The following KDM7A variants were observed in gnomAD, a reference collection of about 807,000 sequenced individuals.
The protein encoded by KDM7A is lysine demethylase 7A.
KDM7A carries 28 observed loss-of-function variants against 114.8 expected under a neutral mutation model. That is an observed-to-expected ratio of 0.24 (90% CI 0.18 to 0.33). The LOEUF (loss-of-function observed/expected upper bound fraction) is 0.33. Ranked by LOEUF, KDM7A falls within the 10% of genes least tolerant of loss-of-function variation. The probability of loss-of-function intolerance (pLI) is 1.00; values close to 1 mark genes in which losing one functional copy is unlikely to be tolerated. For synonymous variants in KDM7A, 423 were observed against 397.8 expected (o/e 1.06, Z -0.75); for missense variants, 942 against 1,142.5 (o/e 0.82, Z 2.53).
intron 11 of KDM7A, among the ~76,000 whole-genome samples, chr7:140,103,639 A>T (rs1371587487): frequency 2.0e-5 from 3 of 152,062 alleles, no homozygotes; most frequent in African/African-American, 4.8e-5. Context: ...AAGGACATGA[A>T]CTCATCCTTT....
Position 140,086,199 on chromosome 7 carries a change from G to A in KDM7A, c.*4895C>T, listed in dbSNP as rs1817921090. ...GAGATCAAGGGCTACGTGGTAGCCA[G>A]GGTTTATTAGTGAAATAGTGCAGAG... On this transcript the variant is annotated 3_prime_UTR_variant, in exon 20 of 20. Transcript: ENST00000397560. The A allele has an allele frequency of 6.6e-6, 1 of 152,212 alleles. No individual in the cohort carries two copies. The highest frequency in any genetic ancestry group is 2.4e-5 in the African/African-American group (1 of 41,446). 9.4% of individuals were successfully genotyped at this position (152,212 alleles called of 1,614,324 possible).
At chr7:140,150,786 C>T (rs1435743724) in intron 1 of KDM7A, among the ~76,000 whole-genome samples, 7 of 151,056 alleles carry the variant, frequency 4.6e-5, no homozygotes, top group Non-Finnish European at 8.8e-5. Context: ...CACCTTTGCT[C>T]TACAGGGAAA....
intron 1 of KDM7A, among the ~76,000 whole-genome samples, chr7:140,169,312 T>G (rs1258912176): frequency 6.6e-6 from 1 of 152,194 alleles, no homozygotes; most frequent in Non-Finnish European, 1.5e-5. Flanking sequence ...GCTGCACAAA[T>G]TATCTCAAAA....
chr7:140,134,315 C>CA (rs1301634097), intron 2 of KDM7A, among the ~76,000 whole-genome samples: 1 of 152,166 alleles, frequency 6.6e-6, no homozygotes, highest in African/African-American at 2.4e-5. Flanking sequence ...ATTCCTAGTT[C>CA]AGCCAATAGC....
intron 1 of KDM7A, among the ~76,000 whole-genome samples, chr7:140,175,842 G>A (rs906429447): frequency 3.0e-4 from 46 of 152,004 alleles, no homozygotes; most frequent in African/African-American, 1.0e-3. Flanking sequence ...CACAGCCGCA[G>A]GCGGTCCCGG....
intron 12 of KDM7A, among the ~76,000 whole-genome samples, chr7:140,100,681 CATATATACATATATATATATAT>C (rs1401382580): frequency 4.5e-5 from 2 of 44,364 alleles, no homozygotes; most frequent in Non-Finnish European, 8.8e-5. Context: ...TATATATATA[CATATATACATATATATATATAT>C]ATATACACAT....
chr7:140,098,775 T>C (rs1818155852), intron 14 of KDM7A, 104 bp downstream of exon 14: 4 of 989,572 alleles, frequency 4.0e-6, no homozygotes, highest in Admixed American at 2.6e-5. Flanking sequence ...ACACAAAAGT[T>C]TTCTGCTATT....
chr7:140,149,214 A>C (rs548331834), intron 1 of KDM7A, among the ~76,000 whole-genome samples: 1 of 152,344 alleles, frequency 6.6e-6, no homozygotes, highest in East Asian at 1.9e-4. Context: ...CATACTCCCC[A>C]AAAAGCTAAA....
At chr7:140,166,848 C>T (rs1794581671) in intron 1 of KDM7A, among the ~76,000 whole-genome samples, 1 of 152,154 alleles carries the variant, frequency 6.6e-6, no homozygotes, top group Non-Finnish European at 1.5e-5. Flanking sequence ...CTAAAACTCT[C>T]TATTTGTATA....
rs773199648 is a variant in KDM7A at position 140,101,940 on chromosome 7, A to T, written c.1638+11T>A. The T allele has an allele frequency of 6.3e-7, 1 of 1,579,218 alleles. No homozygotes were observed. The highest frequency in any genetic ancestry group is 1.1e-5 in the South Asian group (1 of 89,986). ...AAGTTTCTTTTTGTTGTCATGAAAC[A>T]TAATACTTGCCTCTTCCCATGGACA... On this transcript the variant is annotated intron_variant, in intron 12 of 19. Transcript: ENST00000397560.
At chr7:140,122,349 T>G (rs1350936781) in intron 7 of KDM7A, among the ~76,000 whole-genome samples, 1 of 151,852 alleles carries the variant, frequency 6.6e-6, no homozygotes, top group Non-Finnish European at 1.5e-5. Flanking sequence ...GAATGTCAAT[T>G]TATGATTTGA....
intron 3 of KDM7A, among the ~76,000 whole-genome samples, chr7:140,129,909 A>G (rs1818759560): frequency 6.6e-6 from 1 of 152,220 alleles, no homozygotes; most frequent in Non-Finnish European, 1.5e-5. Context: ...AAATGCAAAA[A>G]GAAAAAACCA....
chr7:140,095,917 G>C (rs972236493), intron 17 of KDM7A, among the ~76,000 whole-genome samples: 10 of 151,990 alleles, frequency 6.6e-5, no homozygotes, highest in African/African-American at 2.4e-4. Context: ...AATTATTTCA[G>C]TGAAATGGAT....
intron 2 of KDM7A, among the ~76,000 whole-genome samples, chr7:140,135,492 C>T (rs562206288): frequency 1.8e-4 from 28 of 152,278 alleles, no homozygotes; most frequent in Admixed American, 1.0e-3. Context: ...TGAGCCACTG[C>T]GCCCAGCCCA....
At chr7:140,154,874 G>C (rs1585163923) in intron 1 of KDM7A, among the ~76,000 whole-genome samples, 1 of 151,798 alleles carries the variant, frequency 6.6e-6, no homozygotes, top group East Asian at 1.9e-4. Context: ...ATAATTATAA[G>C]TGTTACAACT....
At chr7:140,094,602 T>A (rs544200240) in intron 17 of KDM7A, 52 of 155,708 alleles carry the variant, frequency 3.3e-4, no homozygotes, top group Non-Finnish European at 5.9e-4. Flanking sequence ...ACCTTCACTA[T>A]ATGCCTTTCC....
At chr7:140,154,499 T>TAAAAAAA (rs397974321) in intron 1 of KDM7A, among the ~76,000 whole-genome samples, 34 of 74,050 alleles carry the variant, frequency 4.6e-4, no homozygotes, top group Non-Finnish European at 5.8e-4. Flanking sequence ...CTCTTAAAAT[T>TAAAAAAA]AAAAAAAAAA....
At chr7:140,171,025 G>A (rs895470639) in intron 1 of KDM7A, among the ~76,000 whole-genome samples, 1 of 151,724 alleles carries the variant, frequency 6.6e-6, no homozygotes, top group Non-Finnish European at 1.5e-5. Context: ...AGGAGTTCAA[G>A]ATCAGCCTGG....
At chr7:140,103,619 T>C (rs976356208) in intron 11 of KDM7A, among the ~76,000 whole-genome samples, 3 of 152,220 alleles carry the variant, frequency 2.0e-5, no homozygotes, top group African/African-American at 4.8e-5. Flanking sequence ...GTTTCATCCA[T>C]GTCCCTACAA....
Sources: gnomAD v4.1 joint callset for allele counts (sites outside exome capture counted in the v4.1 genomes callset) on GRCh38, gnomAD v4.1.1 for gene constraint, MANE v1.5 for transcripts, NCBI Gene and HGNC (gene_info 2026-07-23, HGNC 2026-07-21) for gene names.